Variants in P4HA3 observed in about 807,000 individuals in gnomAD.
P4HA3 encodes prolyl 4-hydroxylase subunit alpha-3.
A neutral mutation model predicts 66.7 loss-of-function variants in P4HA3; 60 were observed. The ratio of observed to expected loss-of-function variants is 0.90; its 90% CI spans 0.73 to 1.12. The LOEUF (loss-of-function observed/expected upper bound fraction) is 1.12, where lower values mean the gene tolerates loss of function less well. Among genes scored for constraint, P4HA3 ranks in the 50% most tolerant of loss-of-function variants. P4HA3 has a pLI of 0.00. For missense variants in P4HA3, 683 were observed against 685.8 expected (o/e 1.00, Z 0.05); for synonymous variants, 263 against 274.6 (o/e 0.96, Z 0.42).
At chr11:74,308,441 T>A (rs559862677) in intron 1 of P4HA3, among the ~76,000 whole-genome samples, 2 of 152,134 alleles carry the variant, frequency 1.3e-5, no homozygotes, top group South Asian at 4.2e-4. Flanking sequence ...TTGGTAGGCT[T>A]AGGCAGAAGG....
At chr11:74,286,123 T>C in intron 6 of P4HA3, 105 bp downstream of exon 6, 2 of 1,489,350 alleles carry the variant, frequency 1.3e-6, no homozygotes. Flanking sequence ...AAGTGAGCTT[T>C]ATTGTTTTTA....
At chr11:74,291,285 A>G (rs913828773) in intron 4 of P4HA3, among the ~76,000 whole-genome samples, 3 of 152,194 alleles carry the variant, frequency 2.0e-5, no homozygotes, top group African/African-American at 2.4e-5. Context: ...TGATTTCTGT[A>G]CACTGATTTT....
At chr11:74,286,940 C>A (rs978506692) in intron 5 of P4HA3, among the ~76,000 whole-genome samples, 2 of 152,186 alleles carry the variant, frequency 1.3e-5, no homozygotes, top group African/African-American at 4.8e-5. Context: ...CTATTCTTCC[C>A]CAGAGAATTG....
intron 14 of P4HA3, among the ~76,000 whole-genome samples, chr11:74,260,664 G>A (rs1859893033): frequency 6.6e-6 from 1 of 152,176 alleles, no homozygotes; most frequent in Non-Finnish European, 1.5e-5. Context: ...TATCAAAAGA[G>A]CACAAATGGT....
intron 5 of P4HA3, among the ~76,000 whole-genome samples, chr11:74,286,888 G>C (rs568707661): frequency 2.0e-5 from 3 of 152,212 alleles, no homozygotes; most frequent in Non-Finnish European, 4.4e-5. Context: ...TGCAATGAAA[G>C]AGAAGTCCAG....
chr11:74,262,657 A>G (rs1859926190), downstream of P4HA3, among the ~76,000 whole-genome samples: 1 of 152,200 alleles, frequency 6.6e-6, no homozygotes, highest in Non-Finnish European at 1.5e-5. Context: ...CATGGCAAAG[A>G]GTAGGCACAT....
At chr11:74,250,832 A>G in intron 15 of P4HA3, 1 of 753,868 alleles carries the variant, frequency 1.3e-6, no homozygotes, top group East Asian at 2.7e-5. Flanking sequence ...AATTGGGTCC[A>G]GAGTATTGAG....
chr11:74,289,183 C>T (rs1168140338), intron 4 of P4HA3, 53 bp from the exon 5 acceptor site: 14 of 1,309,998 alleles, frequency 1.1e-5, no homozygotes, highest in Non-Finnish European at 1.4e-5. Flanking sequence ...GAGGATATCT[C>T]TTCTGAACAA....
chr11:74,298,650 T>C (rs75619914), intron 3 of P4HA3, among the ~76,000 whole-genome samples: 6,052 of 152,260 alleles, frequency 0.04, 127 homozygotes, highest in Middle Eastern at 0.11. Flanking sequence ...AAAGAAAATG[T>C]ATACTATGCT....
At chr11:74,284,595 A>G (rs371518156) in intron 7 of P4HA3, among the ~76,000 whole-genome samples, 1 of 152,112 alleles carries the variant, frequency 6.6e-6, no homozygotes, top group South Asian at 2.1e-4. Flanking sequence ...TTTTCCTTAA[A>G]ACAGCCCTGT....
intron 1 of P4HA3, among the ~76,000 whole-genome samples, chr11:74,311,134 CT>C (rs1405759188): frequency 2.0e-5 from 3 of 152,074 alleles, no homozygotes; most frequent in African/African-American, 7.2e-5. Flanking sequence ...GTGATGGAGT[CT>C]GCAGTCCCAG....
intron 15 of P4HA3, chr11:74,251,832 T>A: frequency 8.0e-7 from 1 of 1,243,564 alleles, no homozygotes; most frequent in South Asian, 1.2e-5. Flanking sequence ...CACCATGCCT[T>A]TCTTCCTCCT....
chr11:74,264,832 C>G (rs781647954), downstream of P4HA3, among the ~76,000 whole-genome samples: 14 of 152,200 alleles, frequency 9.2e-5, no homozygotes, highest in Non-Finnish European at 1.6e-4. Context: ...TCCTCTGTAT[C>G]CCCACAGCAC....
At chr11:74,292,071 G>C (rs1204235528) in intron 4 of P4HA3, among the ~76,000 whole-genome samples, 5 of 126,172 alleles carry the variant, frequency 4.0e-5, no homozygotes, top group Non-Finnish European at 6.8e-5. Flanking sequence ...AATCCATCTG[G>C]TCCTGGACTT....
At chr11:74,263,601 G>A (rs981860627), downstream of P4HA3, among the ~76,000 whole-genome samples, 2 of 152,144 alleles carry the variant, frequency 1.3e-5, no homozygotes, top group Admixed American at 6.5e-5. Context: ...TCTATAAAAT[G>A]GGCATAATAG....
intron 10 of P4HA3, 85 bp downstream of exon 10, chr11:74,273,460 T>C (rs1860275949): frequency 8.8e-6 from 11 of 1,248,552 alleles, no homozygotes; most frequent in Admixed American, 3.0e-5. Flanking sequence ...CCAGATAAAA[T>C]CAATACGTGA....
intron 2 of P4HA3, among the ~76,000 whole-genome samples, chr11:74,303,365 G>C (rs912575354): frequency 1.3e-4 from 19 of 147,026 alleles, no homozygotes; most frequent in African/African-American, 1.8e-4. Context: ...CGCAATCTCA[G>C]CTCACTGCAA....
intron 10 of P4HA3, among the ~76,000 whole-genome samples, chr11:74,272,770 T>C (rs1237614608): frequency 2.6e-5 from 4 of 152,202 alleles, no homozygotes; most frequent in African/African-American, 7.2e-5. Context: ...ATAGAACCCT[T>C]ATATATGTTT....
At chr11:74,311,270 G>T in intron 1 of P4HA3, 142 bp downstream of exon 1, 1 of 1,004,504 alleles carries the variant, frequency 1.0e-6, no homozygotes, top group Non-Finnish European at 1.4e-6. Context: ...CAATGTCTCA[G>T]TCGCACGGTG....
Sources: allele counts gnomAD v4.1 joint callset (sites outside exome capture counted in the v4.1 genomes callset), GRCh38; gene constraint gnomAD v4.1.1; transcripts MANE v1.5; gene names NCBI Gene and HGNC (gene_info 2026-07-23, HGNC 2026-07-21).